The following FPR1 variants were observed in gnomAD, a reference collection of about 807,000 sequenced individuals.
FPR1 encodes the protein N-formyl peptide receptor 1.
For missense variants in FPR1, 407 were observed against 453.0 expected, an observed-to-expected ratio of 0.90 and a Z score of 0.92; for synonymous variants, 193 against 176.7, an observed-to-expected ratio of 1.09 and a Z score of -0.73.
intron 1 of FPR1, among the ~76,000 whole-genome samples, chr19:51,749,075 C>A (rs1205479976): frequency 6.6e-6 from 1 of 152,088 alleles, no homozygotes; most frequent in Non-Finnish European, 1.5e-5. Flanking sequence ...ATTAGCCAGG[C>A]ATGGCGGTGG....
intron 1 of FPR1, among the ~76,000 whole-genome samples, chr19:51,748,590 A>G (rs1036556970): frequency 6.6e-6 from 1 of 152,154 alleles, no homozygotes; most frequent in Non-Finnish European, 1.5e-5. Context: ...CCTCCTGAGT[A>G]GCTGGAATTA....
At chr19:51,749,526 G>GAT (rs1312104863) in intron 1 of FPR1, among the ~76,000 whole-genome samples, 1 of 152,204 alleles carries the variant, frequency 6.6e-6, no homozygotes, top group Non-Finnish European at 1.5e-5. Context: ...CACTCTTGGG[G>GAT]ATGTAGAAGA....
chr19:51,750,549 C>G (rs1321747795), intron 1 of FPR1: 1 of 152,140 alleles, frequency 6.6e-6, no homozygotes, highest in African/African-American at 2.4e-5. Flanking sequence ...CATCCAACCA[C>G]CAAAATACCC....
rs1056275366 is a variant in FPR1, at chr19:51,745,845, T to C, written c.*97A>G. ...TTTTTTTTTTTTTCTGATGAGTGGG[T>C]AATCCTAAAATAAGCAGGAAATGCC... On this transcript the variant is annotated 3_prime_UTR_variant, in exon 2 of 2. Transcript: ENST00000304748. The C allele has an allele frequency of 7.3e-6, 7 of 955,098 alleles. No homozygotes were observed. Among genetic ancestry groups the C allele is most frequent in the Middle Eastern group, 2.7e-4 (1 of 3,756 alleles). 59.2% of individuals were successfully genotyped at this position (955,098 alleles called of 1,614,324 possible).
intron 1 of FPR1, among the ~76,000 whole-genome samples, chr19:51,749,814 G>A (rs2083769943): frequency 6.6e-6 from 1 of 151,942 alleles, no homozygotes; most frequent in Admixed American, 6.6e-5. Flanking sequence ...GGTGCACGCC[G>A]CCGTGCCTGG....
At chr19:51,747,469 C>T (rs2083755782) in intron 1 of FPR1, among the ~76,000 whole-genome samples, 1 of 152,144 alleles carries the variant, frequency 6.6e-6, no homozygotes, top group South Asian at 2.1e-4. Flanking sequence ...CCACCCACCT[C>T]AGCCTCCCAA....
At position 51,745,817 on chromosome 19, in the gene FPR1, GC is replaced by G; in HGVS notation, c.*124del. On this transcript the variant is annotated 3_prime_UTR_variant, in exon 2 of 2. Transcript: ENST00000304748. ...TCTCCCCAAATCAGGGGACACAAAG[GC>G]TTTTTTTTTTTTTTCTGATGAGTGG... The G allele has an allele frequency of 1.4e-6, 1 of 698,706 alleles. No homozygotes were observed. The highest frequency in any genetic ancestry group is 1.9e-5 in the South Asian group (1 of 53,364). 43.3% of individuals were successfully genotyped at this position (698,706 alleles called of 1,614,324 possible).
At position 51,746,138 on chromosome 19, in the gene FPR1, G is replaced by A. The variant is rs1256978144; in HGVS notation, c.857C>T (p.Thr286Ile). Residue 286 changes from threonine (T) to isoleucine (I), a missense_variant, in exon 2 of 2, where the codon ACA becomes ATA. By Grantham distance (89) the Thr-to-Ile change is moderately conservative. Transcript: ENST00000304748. This position sits in a 1 kb window ranked among gnomAD's most constrained non-coding sequence, Gnocchi z 4.3. Reference sequence around the variant, plus strand: ...GCTGTTGAAGAAGGCCAGGGCACTTGTCACATCCACTGCAATACCAATTTC... The same window carrying A: ...GCTGTTGAAGAAGGCCAGGGCACTTATCACATCCACTGCAATACCAATTTC... ...YKEIGIAVDV[T>I]SALAFFNSCL... 1 of 1,614,232 alleles carries A rather than the reference G, an allele frequency of 6.2e-7. No homozygotes were observed. The highest frequency in any genetic ancestry group is 1.7e-5 in the Admixed American group (1 of 60,024).
intron 1 of FPR1, chr19:51,750,265 A>G (rs2083772475): frequency 6.6e-6 from 1 of 152,198 alleles, no homozygotes; most frequent in Admixed American, 6.5e-5. Flanking sequence ...TGTAGGAGTA[A>G]AATACCCATC....
chr19:51,749,897 T>C (rs4802858), intron 1 of FPR1, among the ~76,000 whole-genome samples: 86,924 of 151,832 alleles, frequency 0.57, 25,189 homozygotes, highest in East Asian at 0.88. Context: ...TCTCAAACTC[T>C]TGAGCTCAGG....
In FPR1 at chr19:51,745,974, G is replaced by T; in HGVS notation, c.1021C>A (p.Pro341Thr). 1 of 1,613,758 alleles carries T rather than the reference G, an allele frequency of 6.2e-7. No individual in the cohort carries two copies. The highest frequency in any genetic ancestry group is 8.5e-7 in the Non-Finnish European group (1 of 1,179,662). Reference protein sequence around the residue: ...TSDTATNSTLPSAEVELQAK With the variant: ...TSDTATNSTLTSAEVELQAK ...GCCTGTAACTCCACCTCTGCAGAAG[G>T]TAAAGTAGAATTGGTAGCTGTGTCA... The change falls in exon 2 of 2, where the codon CCT becomes ACT. Residue 341 changes from proline to threonine, a missense_variant. Physicochemically the swap from Pro to Thr is conservative, Grantham distance 38. Coordinates refer to ENST00000304748, the MANE Select transcript of FPR1 (RefSeq NM_002029.4).
Position 51,751,797 on chromosome 19 carries a change from C to T in FPR1, c.-12+17G>A, listed in dbSNP as rs1383257258. The stretch of plus-strand genomic sequence containing the variant: ...GTCTATGTCAAGCTACCCAGTCCCC[C>T]AGAATATGTTTCTTACCTGGACTGT... On this transcript the variant is annotated intron_variant, in intron 1 of 1. Coordinates refer to ENST00000304748, the MANE Select transcript of FPR1 (RefSeq NM_002029.4). 1 of 152,284 alleles carries T rather than the reference C, an allele frequency of 6.6e-6. No individual in the cohort carries two copies. Among genetic ancestry groups the T allele is most frequent in the African/African-American group, 2.4e-5 (1 of 41,444 alleles). 9.4% of individuals were successfully genotyped at this position (152,284 alleles called of 1,614,324 possible). A position where few individuals can be genotyped will look rare whatever the true frequency, so the allele number is the denominator to read the frequency against.
chr19:51,745,567 G>A (rs1034441380), downstream of FPR1: 1 of 196,082 alleles, frequency 5.1e-6, no homozygotes, highest in African/African-American at 2.3e-5. Flanking sequence ...TTCACAGCAG[G>A]GCACTTTTCA....
chr19:51,745,642 C>T, downstream of FPR1: 1 of 324,862 alleles, frequency 3.1e-6, no homozygotes, highest in South Asian at 3.7e-5. Context: ...ACTCATAATT[C>T]AGGACTAATA....
chr19:51,746,710 CCA>C lies in FPR1; in HGVS notation c.283_284del (p.Trp95ValfsTer75). The part of the protein sequence containing the change: ...KAMGGHWPFG[W>X]FLCKFVFTIV... Reference sequence around the variant, plus strand: ...TGGTAAAGACGAATTTGCACAGGAACCAGCCGAAAGGCCAATGTCCTCCCATG... The same window carrying C: ...TGGTAAAGACGAATTTGCACAGGAACGCCGAAAGGCCAATGTCCTCCCATG... On this transcript the variant is annotated frameshift_variant, in exon 2 of 2. Coordinates refer to ENST00000304748, the MANE Select transcript of FPR1 (RefSeq NM_002029.4). LOFTEE classifies it low-confidence loss of function (END_TRUNC). The surrounding 1 kb of genome is among the most constrained non-coding windows in gnomAD (Gnocchi z 4.3). 1 of 1,614,158 alleles carries C rather than the reference CCA, an allele frequency of 6.2e-7. No individual in the cohort carries two copies. Among genetic ancestry groups the C allele is most frequent in the Non-Finnish European group, 8.5e-7 (1 of 1,180,028 alleles).
intron 1 of FPR1, among the ~76,000 whole-genome samples, chr19:51,748,072 G>C (rs1312410445): frequency 1.3e-5 from 2 of 152,136 alleles, no homozygotes; most frequent in Non-Finnish European, 2.9e-5. Flanking sequence ...AGGCTCACTT[G>C]AGCCCAGGAA....
In FPR1 at chr19:51,746,688, T is replaced by C; in HGVS notation, c.307A>G (p.Thr103Ala). The change falls in exon 2 of 2, where the codon ACC (threonine) becomes GCC (alanine). Residue 103 changes from threonine (T) to alanine (A), a missense_variant. Coordinates refer to ENST00000304748, the MANE Select transcript of FPR1 (RefSeq NM_002029.4). This position sits in a 1 kb window ranked among gnomAD's most constrained non-coding sequence, Gnocchi z 4.3. Reference protein sequence around the residue: ...FGWFLCKFVFTIVDINLFGSV... With the variant: ...FGWFLCKFVFAIVDINLFGSV... ...CCGAACAAGTTGATGTCCACTATGG[T>C]AAAGACGAATTTGCACAGGAACCAG... The C allele has an allele frequency of 6.2e-7, 1 of 1,613,976 alleles. No homozygotes were observed. The highest frequency in any genetic ancestry group is 8.5e-7 in the Non-Finnish European group (1 of 1,179,988).
chr19:51,746,969 G>T lies in FPR1; in HGVS notation c.26C>A (p.Thr9Lys). 6.2e-7 allele frequency: 1 copy of T among 1,612,538 alleles called. No homozygotes were observed. Among genetic ancestry groups the T allele is most frequent in the Non-Finnish European group, 8.5e-7 (1 of 1,178,826 alleles). Residue 9 changes from threonine (T) to lysine (K), a missense_variant, in exon 2 of 2, where the codon ACG becomes AAG. Coordinates refer to ENST00000304748, the MANE Select transcript of FPR1 (RefSeq NM_002029.4). This position sits in a 1 kb window ranked among gnomAD's most constrained non-coding sequence, Gnocchi z 4.3. METNSSLPTNISGGTPAVS... is the reference protein window; with the variant it reads METNSSLPKNISGGTPAVS... ...AGCAGGTGTCCCTCCAGAGATGTTCGTGGGGAGAGAGGAATTTGTCTCCAT... is the reference window on the plus strand; with the variant it reads ...AGCAGGTGTCCCTCCAGAGATGTTCTTGGGGAGAGAGGAATTTGTCTCCAT...
chr19:51,750,271 C>G (rs1286594196), intron 1 of FPR1: 1 of 152,004 alleles, frequency 6.6e-6, no homozygotes, highest in Non-Finnish European at 1.5e-5. Flanking sequence ...AGTAAAATAC[C>G]CATCAGATTT....
Sources: allele counts gnomAD v4.1 joint callset (sites outside exome capture counted in the v4.1 genomes callset), GRCh38; gene constraint gnomAD v4.1.1; non-coding constraint Gnocchi (gnomAD v3.1); transcripts MANE v1.5; gene names NCBI Gene and HGNC (gene_info 2026-07-23, HGNC 2026-07-21).